The following PHF21A variants were observed in gnomAD, a reference collection of about 807,000 sequenced individuals.
PHF21A encodes BHC80a.
PHF21A carries 11 observed loss-of-function variants against 82.5 expected under a neutral mutation model. That is an observed-to-expected ratio of 0.13 (90% CI 0.08 to 0.22). The LOEUF is 0.22. Among genes scored for constraint, PHF21A ranks in the 10% least tolerant of loss-of-function variants. PHF21A has a pLI of 1.00. For missense variants in PHF21A, 579 were observed against 837.8 expected (o/e 0.69, Z 3.81); for synonymous variants, 297 against 302.8 (o/e 0.98, Z 0.20).
intron 3 of PHF21A, among the ~76,000 whole-genome samples, chr11:46,087,150 T>C (rs2096866447): frequency 6.6e-6 from 1 of 152,336 alleles, no homozygotes; most frequent in South Asian, 2.1e-4. Flanking sequence ...TATTGATATT[T>C]TCAAAATTTT....
intron 6 of PHF21A, among the ~76,000 whole-genome samples, 187 bp from the exon 7 acceptor site, chr11:45,980,153 T>C (rs1054579643): frequency 2.0e-5 from 3 of 152,150 alleles, no homozygotes; most frequent in Admixed American, 2.0e-4. Context: ...ATGAAACTGA[T>C]GGTGTAAGAA....
chr11:45,990,637 T>C (rs1419816882), intron 6 of PHF21A, among the ~76,000 whole-genome samples: 1 of 152,046 alleles, frequency 6.6e-6, no homozygotes, highest in Admixed American at 6.5e-5. Flanking sequence ...CTCCAGTTTC[T>C]ACATACAGCA....
chr11:45,967,487 GA>G (rs1403338886), intron 9 of PHF21A, among the ~76,000 whole-genome samples: 3 of 152,156 alleles, frequency 2.0e-5, no homozygotes, highest in Admixed American at 6.5e-5. Context: ...CCATTGTGGG[GA>G]CCTTGAAGCC....
intron 6 of PHF21A, among the ~76,000 whole-genome samples, chr11:46,035,202 C>T (rs1331263305): frequency 1.3e-5 from 2 of 152,176 alleles, no homozygotes; most frequent in Admixed American, 1.3e-4. Context: ...TGACTAGGAG[C>T]CTCACTTGAT....
intron 6 of PHF21A, among the ~76,000 whole-genome samples, chr11:46,026,313 T>C (rs11038745): frequency 0.46 from 69,948 of 151,952 alleles, 17,905 homozygotes; most frequent in East Asian, 0.79. Flanking sequence ...GGAAACTGCC[T>C]GAGGTGGAAT....
chr11:46,022,651 A>G lies in PHF21A; in HGVS notation c.154-42685T>C, dbSNP rs1183399477. Among the ~76,000 whole-genome samples the G allele has an allele frequency of 2.0e-5, 3 of 152,022 alleles. No homozygotes were observed. The East Asian group carries it at 5.8e-4, about 29-fold the overall frequency. ...TAGTTTAATATTTTTTTTTAGAGAC[A>G]AGGTCTCACTATGTTACCCAGGCTG... On this transcript the variant is annotated intron_variant, in intron 6 of 18. Transcript: ENST00000676320.
intron 18 of PHF21A, 171 bp from the exon 19 acceptor site, chr11:45,934,396 A>C: frequency 1.3e-5 from 8 of 603,232 alleles, no homozygotes; most frequent in Non-Finnish European, 8.6e-6. Context: ...CTACCACCTA[A>C]GGAACAGGGC....
At chr11:45,960,251 A>C (rs558018230) in intron 10 of PHF21A, among the ~76,000 whole-genome samples, 14 of 152,360 alleles carry the variant, frequency 9.2e-5, no homozygotes, top group Non-Finnish European at 1.2e-4. Context: ...AGAACTATGC[A>C]CAATAGCCAA....
At chr11:45,949,560 G>C in intron 12 of PHF21A, 79 bp from the exon 13 acceptor site, 1 of 1,164,802 alleles carries the variant, frequency 8.6e-7, no homozygotes, top group Non-Finnish European at 1.3e-6. Flanking sequence ...TTATCTATTG[G>C]TTTTCCCATA....
At chr11:45,970,952 A>G in intron 8 of PHF21A, 164 bp downstream of exon 8, 1 of 788,490 alleles carries the variant, frequency 1.3e-6, no homozygotes, top group South Asian at 1.9e-5. Context: ...TTGAGCAGAT[A>G]GCAGAAATGC....
At chr11:45,961,163 TCTC>T (rs1208675285) in intron 10 of PHF21A, among the ~76,000 whole-genome samples, 1 of 152,168 alleles carries the variant, frequency 6.6e-6, no homozygotes, top group Non-Finnish European at 1.5e-5. Context: ...CTCACTTACA[TCTC>T]CTCTTCGAAC....
At position 45,983,352 on chromosome 11, in the gene PHF21A, A is replaced by G. The variant is rs540295099; in HGVS notation, c.154-3386T>C. 1.9e-4 allele frequency among the ~76,000 whole-genome samples: 29 copies of G among 152,302 alleles called. No individual in the cohort carries two copies. The South Asian group carries it at 5.8e-3, about 30-fold the overall frequency. ...AGAGCTCTGCATTACAGGTCAGATC[A>G]TATGAGCTGGGTAAAGCTTTCTTTA... On this transcript the variant is annotated intron_variant, in intron 6 of 18. Coordinates refer to ENST00000676320, the MANE Select transcript of PHF21A (RefSeq NM_001352027.3).
intron 1 of PHF21A, among the ~76,000 whole-genome samples, chr11:46,111,115 G>T (rs186108898): frequency 2.9e-4 from 43 of 150,326 alleles, no homozygotes; most frequent in South Asian, 1.1e-3. Flanking sequence ...ACAACTATGT[G>T]GGGGGGGAGG....
chr11:46,049,513 A>G (rs1271993475), intron 6 of PHF21A: 2 of 456,024 alleles, frequency 4.4e-6, no homozygotes, highest in African/African-American at 2.0e-5. Context: ...AGGGGAAGAG[A>G]AGAAAAACAG....
intron 6 of PHF21A, among the ~76,000 whole-genome samples, chr11:46,074,794 T>A (rs1336239846): frequency 6.6e-6 from 1 of 152,184 alleles, no homozygotes; most frequent in African/African-American, 2.4e-5. Flanking sequence ...TGAGCCACCG[T>A]GCCTGGCCAA....
At chr11:46,025,788 G>A (rs767578057) in intron 6 of PHF21A, among the ~76,000 whole-genome samples, 4 of 152,102 alleles carry the variant, frequency 2.6e-5, no homozygotes, top group Non-Finnish European at 5.9e-5. Context: ...CAAGTCATAG[G>A]CATAATATGG....
chr11:45,941,241 A>C (rs1350931958), intron 15 of PHF21A, among the ~76,000 whole-genome samples: 1 of 152,114 alleles, frequency 6.6e-6, no homozygotes, highest in Non-Finnish European at 1.5e-5. Flanking sequence ...TGGGACTACA[A>C]GTGCGTACCA....
chr11:45,946,510 C>T (rs950706257), intron 14 of PHF21A, among the ~76,000 whole-genome samples: 4 of 152,070 alleles, frequency 2.6e-5, no homozygotes, highest in South Asian at 2.1e-4. Context: ...CAGCCTCCCA[C>T]GTAGCTGGGA....
At chr11:46,038,317 G>A (rs1329202750) in intron 6 of PHF21A, among the ~76,000 whole-genome samples, 2 of 151,900 alleles carry the variant, frequency 1.3e-5, no homozygotes, top group African/African-American at 4.8e-5. Flanking sequence ...TAGTAGATAC[G>A]GGGTTTCACC....
Sources: allele counts gnomAD v4.1 joint callset (sites outside exome capture counted in the v4.1 genomes callset), GRCh38; gene constraint gnomAD v4.1.1; transcripts MANE v1.5; gene names NCBI Gene and HGNC (gene_info 2026-07-23, HGNC 2026-07-21).